Variants in AMPD3 observed in about 807,000 individuals in gnomAD.
The protein encoded by AMPD3 is adenosine monophosphate deaminase 3.
A neutral mutation model predicts 82.3 loss-of-function variants in AMPD3; 57 were observed. The observed-to-expected ratio is 0.69, with a 90% CI of 0.56 to 0.86. The LOEUF is 0.86. Among genes scored for constraint, AMPD3 ranks in the 40% least tolerant of loss-of-function variants. The pLI is 0.00. For synonymous variants in AMPD3, 381 were observed against 394.7 expected (o/e 0.97, Z 0.41); for missense variants, 870 against 1,003.8 (o/e 0.87, Z 1.80).
intron 6 of AMPD3, 135 bp downstream of exon 6, chr11:10,487,499 AG>A (rs1430977559): frequency 8.1e-7 from 1 of 1,229,872 alleles, no homozygotes; most frequent in African/African-American, 1.5e-5. Context: ...TCGTGGCCAG[AG>A]GGGTATGAAG....
chr11:10,464,071 G>A (rs1471358782), intron 2 of AMPD3, among the ~76,000 whole-genome samples: 1 of 152,188 alleles, frequency 6.6e-6, no homozygotes, highest in African/African-American at 2.4e-5. Context: ...CTATAAAGTG[G>A]AGATGCTAAC....
chr11:10,484,352 A>T, intron 4 of AMPD3: 11 of 985,316 alleles, frequency 1.1e-5, no homozygotes, highest in Non-Finnish European at 1.3e-5. Flanking sequence ...CTAGCCCCTC[A>T]CCTGGCCTGG....
At chr11:10,489,261 G>A (rs780643324) in intron 6 of AMPD3, among the ~76,000 whole-genome samples, 1 of 152,190 alleles carries the variant, frequency 6.6e-6, no homozygotes. Flanking sequence ...GCCCAGGCCC[G>A]TGTTCAAAGA....
At chr11:10,464,993 C>T (rs1010381691) in intron 2 of AMPD3, among the ~76,000 whole-genome samples, 8 of 152,180 alleles carry the variant, frequency 5.3e-5, no homozygotes, top group Non-Finnish European at 1.2e-4. Context: ...CAAGTGGCAG[C>T]CCTGTCACTT....
chr11:10,496,662 A>C, intron 9 of AMPD3, 150 bp from the exon 10 acceptor site: 1 of 1,471,896 alleles, frequency 6.8e-7, no homozygotes, highest in Non-Finnish European at 9.2e-7. Flanking sequence ...AGAGGAGGAC[A>C]GAGGAGGGAT....
At chr11:10,473,280 A>G in intron 2 of AMPD3, 4 of 734,930 alleles carry the variant, frequency 5.4e-6, no homozygotes, top group Non-Finnish European at 6.6e-6. Context: ...AAAAAAAAGT[A>G]AAAATAAAAA....
chr11:10,478,411 G>C, intron 2 of AMPD3, 115 bp from the exon 3 acceptor site: 1 of 1,574,632 alleles, frequency 6.4e-7, no homozygotes, highest in Admixed American at 1.7e-5. Context: ...GGTAGGGCCA[G>C]CACCAGTGAT....
intron 2 of AMPD3, among the ~76,000 whole-genome samples, chr11:10,469,677 C>T (rs1349087200): frequency 1.3e-5 from 2 of 152,200 alleles, no homozygotes; most frequent in East Asian, 3.8e-4. Flanking sequence ...CCAGCATCAT[C>T]CTGATGCCAA....
intron 4 of AMPD3, chr11:10,484,568 TAA>T (rs1849007327): frequency 1.1e-6 from 1 of 914,336 alleles, no homozygotes. Flanking sequence ...CAGCACAAAT[TAA>T]AGTCTCTGCC....
At position 10,461,993 on chromosome 11, in the gene AMPD3, C is replaced by T. The variant is rs147144748; in HGVS notation, c.221+253C>T. 3.1e-3 allele frequency among the ~76,000 whole-genome samples: 475 copies of T among 152,272 alleles called. 1 individual carries two copies. The highest frequency in any genetic ancestry group is 0.011 in the African/African-American group (442 of 41,548). On this transcript the variant is annotated intron_variant, in intron 2 of 14. Coordinates refer to ENST00000396553, the MANE Select transcript of AMPD3 (RefSeq NM_001025389.2). ...TACACACCATTTCCAAATGGCATTT[C>T]TCTTTTCTTTTTGGAAATTTGAGGA...
At chr11:10,450,917 CCGGGCCCTGGCCCCGG>C (rs1240266174), upstream of AMPD3, 18 of 1,267,228 alleles carry the variant, frequency 1.4e-5, no homozygotes, top group Non-Finnish European at 1.8e-5. Context: ...CGCGGCCTGG[CCGGGCCCTGGCCCCGG>C]CTGGCCTCAG....
chr11:10,480,125 T>TC (rs1200905991), intron 3 of AMPD3, among the ~76,000 whole-genome samples: 2 of 152,248 alleles, frequency 1.3e-5, no homozygotes, highest in Non-Finnish European at 2.9e-5. Context: ...CAACTGGTCC[T>TC]CAGAAAGCTA....
intron 1 of AMPD3, among the ~76,000 whole-genome samples, chr11:10,459,178 G>T (rs892505091): frequency 6.6e-5 from 10 of 152,142 alleles, no homozygotes; most frequent in African/African-American, 2.2e-4. Context: ...GTGTTGACAG[G>T]CTGTTCCCCA....
intron 9 of AMPD3, among the ~76,000 whole-genome samples, 180 bp downstream of exon 9, chr11:10,495,913 G>C (rs1054219123): frequency 6.9e-5 from 10 of 145,850 alleles, no homozygotes; most frequent in Non-Finnish European, 1.4e-4. Flanking sequence ...TGACACTAGA[G>C]CTCTTTTTTT....
intron 11 of AMPD3, chr11:10,500,735 A>T: frequency 1.0e-6 from 1 of 985,412 alleles, no homozygotes; most frequent in Non-Finnish European, 1.2e-6. Context: ...TGGACAAATA[A>T]CGGGGAACAA....
At chr11:10,461,106 GTT>G in intron 1 of AMPD3, 3 of 1,184,734 alleles carry the variant, frequency 2.5e-6, no homozygotes, top group Admixed American at 3.7e-5. Flanking sequence ...GGGGAGTGAG[GTT>G]TGATTATTGT....
intron 9 of AMPD3, chr11:10,496,244 A>G (rs1283948149): frequency 2.0e-6 from 2 of 985,298 alleles, no homozygotes; most frequent in Non-Finnish European, 2.4e-6. Context: ...TTTGAAAAAT[A>G]TAGATGTGCA....
chr11:10,484,124 T>A (rs533117783), intron 4 of AMPD3: 93 of 396,266 alleles, frequency 2.3e-4, no homozygotes, highest in Non-Finnish European at 3.0e-4. Context: ...AGGCAGGGGG[T>A]GTTATCTTCA....
chr11:10,491,463 T>C (rs1849238280), intron 6 of AMPD3, among the ~76,000 whole-genome samples: 1 of 152,106 alleles, frequency 6.6e-6, no homozygotes, highest in African/African-American at 2.4e-5. Flanking sequence ...AGAATCAAAT[T>C]ACATTTAAAG....
Sources: allele counts gnomAD v4.1 joint callset (sites outside exome capture counted in the v4.1 genomes callset), GRCh38; gene constraint gnomAD v4.1.1; transcripts MANE v1.5; gene names NCBI Gene and HGNC (gene_info 2026-07-23, HGNC 2026-07-21).